The following EDEM3 variants were observed in gnomAD, a reference collection of about 807,000 sequenced individuals.
EDEM3 encodes ER degradation-enhancing alpha-mannosidase-like protein 3.
Under a neutral mutation model 110.2 loss-of-function variants are expected in EDEM3, and 60 were observed. The ratio of observed to expected loss-of-function variants is 0.54; its 90% CI spans 0.44 to 0.67. The LOEUF is 0.67. EDEM3 is among the 30% of genes least tolerant of loss of function. The probability of loss-of-function intolerance (pLI) is 0.00; values close to 1 mark genes in which losing one functional copy is unlikely to be tolerated. For missense variants in EDEM3, 996 were observed against 1,121.0 expected (o/e 0.89, Z 1.59); for synonymous variants, 352 against 382.9 (o/e 0.92, Z 0.94).
intron 2 of EDEM3, among the ~76,000 whole-genome samples, chr1:184,740,729 A>G (rs1357013999): frequency 2.0e-5 from 3 of 152,266 alleles, no homozygotes; most frequent in African/African-American, 7.2e-5. Context: ...AAATGAGGTT[A>G]TCAACAAATT....
At chr1:184,708,549 T>C (rs896714181) in intron 16 of EDEM3, among the ~76,000 whole-genome samples, 3 of 152,230 alleles carry the variant, frequency 2.0e-5, no homozygotes, top group Non-Finnish European at 4.4e-5. Context: ...TCCGTATTTT[T>C]TATCAATGTC....
At chr1:184,709,190 G>A (rs1650091945) in intron 16 of EDEM3, among the ~76,000 whole-genome samples, 2 of 152,098 alleles carry the variant, frequency 1.3e-5, no homozygotes, top group African/African-American at 4.8e-5. Flanking sequence ...GTTGAGGTGA[G>A]GGTAGAAAGA....
chr1:184,736,625 A>T (rs1414645181), intron 4 of EDEM3, among the ~76,000 whole-genome samples: 1 of 152,120 alleles, frequency 6.6e-6, no homozygotes, highest in Non-Finnish European at 1.5e-5. Context: ...GGAAAAATTA[A>T]TTTTTTGCTT....
intron 16 of EDEM3, 144 bp downstream of exon 16, chr1:184,710,250 T>G: frequency 1.0e-6 from 1 of 969,942 alleles, no homozygotes; most frequent in East Asian, 2.7e-5. Flanking sequence ...CCAAGATACT[T>G]CCAAGTCCTA....
Position 184,701,595 on chromosome 1 carries a change from A to G in EDEM3, c.2389+1216T>C. The G allele has an allele frequency of 5.9e-6, 7 of 1,178,966 alleles. No homozygotes were observed. The South Asian group carries it at 6.8e-5, about 11-fold the overall frequency. 73.0% of individuals were successfully genotyped at this position (1,178,966 alleles called of 1,614,324 possible). A position where few individuals can be genotyped will look rare whatever the true frequency, so the allele number is the denominator to read the frequency against. On this transcript the variant is annotated intron_variant, in intron 19 of 19. Transcript: ENST00000318130. ...TAGGGGGAAAAAAAGCAAATGCATT[A>G]AAGAGTTACAAGAAATAATAATTTG...
rs747596281 is a variant in EDEM3, at chr1:184,754,654, C to T, written c.-8G>A. On this transcript the variant is annotated 5_prime_UTR_variant, in exon 1 of 20. Coordinates refer to ENST00000318130, the MANE Select transcript of EDEM3 (RefSeq NM_025191.4). Reference sequence around the variant, plus strand: ...GCCGCCGGCTTCGCTCATGGCCCCGCGGTTCCGCGCACGCGCAGCTGCTAC... The same window carrying T: ...GCCGCCGGCTTCGCTCATGGCCCCGTGGTTCCGCGCACGCGCAGCTGCTAC... 3.1e-5 allele frequency: 48 copies of T among 1,546,234 alleles called. No homozygotes were observed. Among genetic ancestry groups the T allele is most frequent in the Non-Finnish European group, 4.0e-5 (46 of 1,147,694 alleles).
At chr1:184,737,568 G>A (rs754631018) in intron 3 of EDEM3, 43 bp downstream of exon 3, 2 of 1,567,362 alleles carry the variant, frequency 1.3e-6, no homozygotes, top group Non-Finnish European at 1.8e-6. Context: ...TCTAAGACTT[G>A]GGAACTCTGA....
intron 1 of EDEM3, among the ~76,000 whole-genome samples, chr1:184,750,648 G>GA (rs1652711486): frequency 1.3e-5 from 2 of 151,904 alleles, no homozygotes; most frequent in South Asian, 4.2e-4. Context: ...GAGTAGCTGG[G>GA]ATTACAGGCG....
chr1:184,744,143 T>A (rs1284649899), intron 2 of EDEM3, among the ~76,000 whole-genome samples: 2 of 150,852 alleles, frequency 1.3e-5, no homozygotes, highest in African/African-American at 4.9e-5. Flanking sequence ...AATTAGAATG[T>A]AAAGCACAGA....
chr1:184,723,865 T>TAAA lies in EDEM3; in HGVS notation c.748-12_748-10dup, dbSNP rs71101940. 14,159 of 1,085,322 alleles carry TAAA rather than the reference T, an allele frequency of 0.013. 40 individuals are homozygous for TAAA. Among genetic ancestry groups the TAAA allele is most frequent in the Middle Eastern group, 0.018 (55 of 3,012 alleles). 67.2% of individuals were successfully genotyped at this position (1,085,322 alleles called of 1,614,324 possible). ...GCTTTTCTGGCATATTCCTGTAATTTAAAAAAAAAAAAAAAAAAAAGAAGT... is the reference window on the plus strand; with the variant it reads ...GCTTTTCTGGCATATTCCTGTAATTTAAAAAAAAAAAAAAAAAAAAAAAGAAGT... On this transcript the variant is annotated splice_polypyrimidine_tract_variant and intron_variant, in intron 7 of 19. Transcript: ENST00000318130.
chr1:184,716,832 A>T, intron 13 of EDEM3, 56 bp downstream of exon 13: 1 of 1,588,600 alleles, frequency 6.3e-7, no homozygotes, highest in Non-Finnish European at 8.6e-7. Context: ...TGGTAGCTGC[A>T]TTTTGTGTTG....
intron 15 of EDEM3, among the ~76,000 whole-genome samples, chr1:184,710,826 TG>T (rs1395112750): frequency 1.3e-5 from 2 of 152,190 alleles, no homozygotes; most frequent in Non-Finnish European, 1.5e-5. Flanking sequence ...CAAGTTTGCT[TG>T]GGGATTTGTT....
At chr1:184,732,607 C>G (rs1651590101) in intron 6 of EDEM3, among the ~76,000 whole-genome samples, 2 of 151,962 alleles carry the variant, frequency 1.3e-5, no homozygotes, top group South Asian at 2.1e-4. Flanking sequence ...TACTATGTAC[C>G]CACAGAAATC....
At chr1:184,704,488 T>C (rs1649800354) in intron 18 of EDEM3, among the ~76,000 whole-genome samples, 1 of 150,492 alleles carries the variant, frequency 6.6e-6, no homozygotes, top group African/African-American at 2.4e-5. Flanking sequence ...CCTTCTCTAC[T>C]AAAAATACAA....
At chr1:184,739,389 T>A (rs981125328) in intron 2 of EDEM3, among the ~76,000 whole-genome samples, 7 of 150,276 alleles carry the variant, frequency 4.7e-5, no homozygotes, top group Non-Finnish European at 4.4e-5. Context: ...AATTATTTTA[T>A]CATTAAAATC....
chr1:184,737,127 A>G, intron 3 of EDEM3, 63 bp from the exon 4 acceptor site: 1 of 1,370,308 alleles, frequency 7.3e-7, no homozygotes, highest in Non-Finnish European at 1.0e-6. Context: ...TGAATGTACA[A>G]GTAGACTTAT....
chr1:184,708,462 G>A (rs1466448164), intron 16 of EDEM3, 118 bp from the exon 17 acceptor site: 3 of 972,502 alleles, frequency 3.1e-6, no homozygotes, highest in East Asian at 5.7e-5. Context: ...TTCACTTTAG[G>A]TCACCACCAA....
chr1:184,737,582 G>A (rs773679328), intron 3 of EDEM3, 29 bp downstream of exon 3: 7 of 1,599,296 alleles, frequency 4.4e-6, no homozygotes, highest in African/African-American at 2.7e-5. Flanking sequence ...ACTCTGAGAT[G>A]CCATGCCATG....
Position 184,708,133 on chromosome 1 carries a change from T to C in EDEM3, c.2037+20A>G, listed in dbSNP as rs911237703. The C allele has an allele frequency of 1.9e-6, 3 of 1,570,190 alleles. No homozygotes were observed. The African/African-American group carries it at 4.2e-5, about 22-fold the overall frequency. On this transcript the variant is annotated intron_variant, in intron 17 of 19. Transcript: ENST00000318130. ...ATATTTTAAATTCAGTTTCAACAAC[T>C]ATATTTTAAGTATACATACCTCTTT...
Sources: allele counts gnomAD v4.1 joint callset (sites outside exome capture counted in the v4.1 genomes callset), GRCh38; gene constraint gnomAD v4.1.1; transcripts MANE v1.5; gene names NCBI Gene and HGNC (gene_info 2026-07-23, HGNC 2026-07-21).